DPP10: variants seen among roughly 807,000 people sequenced by gnomAD.
DPP10 encodes inactive dipeptidyl peptidase 10.
A neutral mutation model predicts 120.9 loss-of-function variants in DPP10; 33 were observed. The ratio of observed to expected loss-of-function variants is 0.27; its 90% CI spans 0.21 to 0.37. The LOEUF is 0.37. Ranked by LOEUF, DPP10 falls within the 10% of genes least tolerant of loss-of-function variation. The pLI is 1.00. For missense variants in DPP10, 816 were observed against 942.8 expected (o/e 0.87, Z 1.76); for synonymous variants, 337 against 326.1 (o/e 1.03, Z -0.36).
chr2:114,576,041 C>G (rs1353300149), intron 1 of DPP10, among the ~76,000 whole-genome samples: 1 of 152,170 alleles, frequency 6.6e-6, no homozygotes, highest in Non-Finnish European at 1.5e-5. Context: ...TGTAAAAGAA[C>G]TAGGATAAAG....
chr2:115,105,239 A>T (rs2048890058), intron 1 of DPP10, among the ~76,000 whole-genome samples: 1 of 152,122 alleles, frequency 6.6e-6, no homozygotes, highest in South Asian at 2.1e-4. Context: ...CATGTATATT[A>T]GTCTGTTTTG....
chr2:115,845,292 A>T lies in DPP10; in HGVS notation c.*2947A>T, dbSNP rs187823753. The stretch of plus-strand genomic sequence containing the variant: ...ACCTTCACATCCTGCGGCCACCAAC[A>T]CTGTATGGATACAATCTGGCCTCTC... On this transcript the variant is annotated 3_prime_UTR_variant, in exon 26 of 26. Coordinates refer to ENST00000410059, the MANE Select transcript of DPP10 (RefSeq NM_020868.6). 2.3e-4 allele frequency: 35 copies of T among 152,334 alleles called. No individual in the cohort carries two copies. The highest frequency in any genetic ancestry group is 1.8e-3 in the Admixed American group (27 of 15,290). 9.4% of individuals were successfully genotyped at this position (152,334 alleles called of 1,614,324 possible). A position where few individuals can be genotyped will look rare whatever the true frequency, so the allele number is the denominator to read the frequency against.
intron 1 of DPP10, among the ~76,000 whole-genome samples, chr2:114,486,556 G>T (rs1177649154): frequency 6.6e-6 from 1 of 151,984 alleles, no homozygotes; most frequent in African/African-American, 2.4e-5. Context: ...AAATAGCATT[G>T]GATATAAGGA....
chr2:115,830,503 A>G (rs1688811306), intron 21 of DPP10, among the ~76,000 whole-genome samples: 1 of 152,278 alleles, frequency 6.6e-6, no homozygotes. Flanking sequence ...AATGTACACT[A>G]TGTGCCCAGC....
intron 1 of DPP10, among the ~76,000 whole-genome samples, chr2:115,176,889 T>A (rs1306972190): frequency 1.3e-5 from 2 of 152,238 alleles, no homozygotes; most frequent in Non-Finnish European, 2.9e-5. Context: ...ATGTGTTTGG[T>A]GAGCACCTGC....
At chr2:115,780,134 C>T (rs1228869583) in intron 15 of DPP10, among the ~76,000 whole-genome samples, 3 of 151,850 alleles carry the variant, frequency 2.0e-5, no homozygotes, top group African/African-American at 7.2e-5. Context: ...ATCCATTGAC[C>T]TACCAAATTT....
intron 1 of DPP10, among the ~76,000 whole-genome samples, chr2:114,728,650 C>G (rs1676585674): frequency 6.6e-6 from 1 of 152,132 alleles, no homozygotes; most frequent in Non-Finnish European, 1.5e-5. Context: ...AGATTTTCAA[C>G]CAGCCTTTGA....
chr2:115,701,388 T>A (rs2091882248), intron 7 of DPP10, among the ~76,000 whole-genome samples: 1 of 152,074 alleles, frequency 6.6e-6, no homozygotes, highest in Non-Finnish European at 1.5e-5. Flanking sequence ...GATATCCACA[T>A]ACACAAAAAA....
At chr2:115,625,869 A>G (rs1198730117) in intron 5 of DPP10, among the ~76,000 whole-genome samples, 3 of 152,048 alleles carry the variant, frequency 2.0e-5, no homozygotes, top group Non-Finnish European at 4.4e-5. Context: ...TAAAGTGATT[A>G]AGAAGATATA....
At chr2:115,120,648 T>G (rs969925451) in intron 1 of DPP10, among the ~76,000 whole-genome samples, 1 of 152,188 alleles carries the variant, frequency 6.6e-6, no homozygotes, top group African/African-American at 2.4e-5. Context: ...ACTAAAGCAT[T>G]TAGTAGACCT....
chr2:114,880,649 A>G (rs780670184), intron 1 of DPP10, among the ~76,000 whole-genome samples: 2 of 152,166 alleles, frequency 1.3e-5, no homozygotes. Context: ...AATTTAAGAA[A>G]CTTTACAAAG....
In DPP10 at chr2:115,394,187, T is replaced by C. The variant is rs1008746492; in HGVS notation, c.271+50275T>C. Among the ~76,000 whole-genome samples, 5 of 152,168 alleles carry C rather than the reference T, an allele frequency of 3.3e-5. No homozygotes were observed. The South Asian group carries it at 8.3e-4, about 25-fold the overall frequency. ...ACTGATGTAATCAGATTTTCATTTT[T>C]TTAAACTTGGATTTGAAACTAGTAG... On this transcript the variant is annotated intron_variant, in intron 3 of 25. Coordinates refer to ENST00000410059, the MANE Select transcript of DPP10 (RefSeq NM_020868.6).
chr2:114,953,088 T>A (rs1237560067), intron 1 of DPP10, among the ~76,000 whole-genome samples: 1 of 151,896 alleles, frequency 6.6e-6, no homozygotes, highest in Non-Finnish European at 1.5e-5. Context: ...AAATCTTTTG[T>A]AAATACCATT....
chr2:115,274,129 C>G lies in DPP10; in HGVS notation c.61-35110C>G, dbSNP rs759883590. Among the ~76,000 whole-genome samples the G allele has an allele frequency of 7.2e-5, 11 of 152,046 alleles. No individual in the cohort carries two copies. The South Asian group carries it at 2.1e-3, about 29-fold the overall frequency. On this transcript the variant is annotated intron_variant, in intron 1 of 25. Transcript: ENST00000410059. ...TGTGTGTGTGTGTGTGTCTATACCA[C>G]TTTGGATATCACTCAGTTAACAGTT...
chr2:115,678,707 T>C (rs2090449289), intron 5 of DPP10, among the ~76,000 whole-genome samples: 1 of 152,102 alleles, frequency 6.6e-6, no homozygotes, highest in Non-Finnish European at 1.5e-5. Context: ...GAATGTTACA[T>C]CCACTGACAG....
chr2:115,167,073 G>T (rs935542299), intron 1 of DPP10, among the ~76,000 whole-genome samples: 1 of 152,142 alleles, frequency 6.6e-6, no homozygotes, highest in African/African-American at 2.4e-5. Context: ...AAAGACCAGT[G>T]TGTTTTCTTG....
chr2:115,088,944 G>A (rs1338977572), intron 1 of DPP10, among the ~76,000 whole-genome samples: 1 of 151,972 alleles, frequency 6.6e-6, no homozygotes, highest in African/African-American at 2.4e-5. Flanking sequence ...GGCTACAGCT[G>A]ACTGACCATC....
intron 1 of DPP10, among the ~76,000 whole-genome samples, chr2:114,837,339 G>A (rs559907419): frequency 2.6e-5 from 4 of 152,152 alleles, no homozygotes; most frequent in South Asian, 2.1e-4. Flanking sequence ...CCTCCGTTCC[G>A]GGTCCCTGAC....
At chr2:115,830,053 T>G (rs1025673497) in intron 21 of DPP10, among the ~76,000 whole-genome samples, 1 of 152,084 alleles carries the variant, frequency 6.6e-6, no homozygotes, top group Non-Finnish European at 1.5e-5. Flanking sequence ...TGGACATAGC[T>G]TCTTTAAAAA....
Sources: allele counts gnomAD v4.1 joint callset (sites outside exome capture counted in the v4.1 genomes callset), GRCh38; gene constraint gnomAD v4.1.1; transcripts MANE v1.5; gene names NCBI Gene and HGNC (gene_info 2026-07-23, HGNC 2026-07-21).